PRKN: variants seen among roughly 807,000 people sequenced by gnomAD.
PRKN encodes E3 ubiquitin-protein ligase parkin.
A neutral mutation model predicts 59.5 loss-of-function variants in PRKN; 56 were observed. That is an observed-to-expected ratio of 0.94 (90% CI 0.76 to 1.18). The LOEUF (loss-of-function observed/expected upper bound fraction) is 1.18, where lower values mean the gene tolerates loss of function less well. PRKN is among the 50% of genes most tolerant of loss of function. The probability of loss-of-function intolerance (pLI) is 0.00; values close to 1 mark genes in which losing one functional copy is unlikely to be tolerated. For missense variants in PRKN, 657 were observed against 596.4 expected (o/e 1.10, Z -1.06); for synonymous variants, 250 against 222.1 (o/e 1.13, Z -1.12).
intron 7 of PRKN, among the ~76,000 whole-genome samples, chr6:161,756,447 A>G (rs1451956446): frequency 3.5e-5 from 5 of 143,516 alleles, no homozygotes; most frequent in Non-Finnish European, 3.0e-5. Flanking sequence ...GTCTCGAAAA[A>G]AAAAAAAAAA....
At chr6:162,079,592 C>G (rs1476802133) in intron 4 of PRKN, among the ~76,000 whole-genome samples, 1 of 152,002 alleles carries the variant, frequency 6.6e-6, no homozygotes, top group Non-Finnish European at 1.5e-5. Flanking sequence ...CTCATGGTTC[C>G]CCCTTATTTC....
At chr6:161,886,906 A>C (rs1235003690) in intron 6 of PRKN, among the ~76,000 whole-genome samples, 3 of 152,094 alleles carry the variant, frequency 2.0e-5, no homozygotes, top group Non-Finnish European at 4.4e-5. Context: ...AATGACTGAA[A>C]TCATACAAAG....
At chr6:162,112,674 G>A (rs910311451) in intron 4 of PRKN, among the ~76,000 whole-genome samples, 7 of 152,006 alleles carry the variant, frequency 4.6e-5, no homozygotes, top group African/African-American at 1.7e-4. Flanking sequence ...CCAGCACTTT[G>A]GGAGTCTAAG....
At chr6:161,702,033 T>A (rs1562618564) in intron 7 of PRKN, among the ~76,000 whole-genome samples, 1 of 152,214 alleles carries the variant, frequency 6.6e-6, no homozygotes, top group South Asian at 2.1e-4. Context: ...TTGCAACAGT[T>A]AATTCTGGCT....
chr6:162,193,271 G>A (rs929684115), intron 4 of PRKN, among the ~76,000 whole-genome samples: 11 of 152,252 alleles, frequency 7.2e-5, no homozygotes, highest in African/African-American at 1.9e-4. Flanking sequence ...CTCAACGTAC[G>A]CATTTCTGTG....
chr6:162,584,393 T>C (rs914214040), intron 1 of PRKN, among the ~76,000 whole-genome samples: 2 of 152,088 alleles, frequency 1.3e-5, no homozygotes, highest in Admixed American at 6.5e-5. Context: ...ACAAAGTCAA[T>C]TGCTGAGAGG....
intron 4 of PRKN, among the ~76,000 whole-genome samples, chr6:162,066,032 C>T (rs1020599136): frequency 5.3e-5 from 8 of 152,104 alleles, no homozygotes; most frequent in African/African-American, 1.9e-4. Flanking sequence ...AATAAACATA[C>T]GTGTGCATGT....
intron 4 of PRKN, among the ~76,000 whole-genome samples, chr6:162,179,392 T>C (rs993442727): frequency 6.6e-6 from 1 of 152,152 alleles, no homozygotes; most frequent in African/African-American, 2.4e-5. Context: ...CTGCCGGGGC[T>C]CCACCTGGTT....
chr6:161,360,019 T>C lies in PRKN; in HGVS notation c.1285+69A>G. On this transcript the variant is annotated intron_variant, in intron 11 of 11. Coordinates refer to ENST00000366898, the MANE Select transcript of PRKN (RefSeq NM_004562.3). The surrounding 1 kb of genome is among the most constrained non-coding windows in gnomAD (Gnocchi z 5.1). ...GACAGCATCTCCTTTAATCCTGGAA[T>C]CCCTGATGGGTATGATTCTCCCCCA... is the stretch of plus-strand genomic sequence containing the variant. 3 of 1,161,156 alleles carry C rather than the reference T, an allele frequency of 2.6e-6. No homozygotes were observed. Among genetic ancestry groups the C allele is most frequent in the Non-Finnish European group, 3.9e-6 (3 of 767,058 alleles). 71.9% of individuals were successfully genotyped at this position (1,161,156 alleles called of 1,614,324 possible).
At chr6:162,455,261 C>G (rs971355074) in intron 1 of PRKN, among the ~76,000 whole-genome samples, 2 of 151,974 alleles carry the variant, frequency 1.3e-5, no homozygotes, top group African/African-American at 4.9e-5. Flanking sequence ...ATCCACACAT[C>G]CACATAGCCA....
intron 9 of PRKN, among the ~76,000 whole-genome samples, chr6:161,523,762 G>A (rs959778802): frequency 6.6e-6 from 1 of 152,072 alleles, no homozygotes; most frequent in Non-Finnish European, 1.5e-5. Flanking sequence ...TCTTAAAATG[G>A]TATCCTTTTA....
At chr6:162,114,812 T>G (rs1330782652) in intron 4 of PRKN, among the ~76,000 whole-genome samples, 1 of 151,954 alleles carries the variant, frequency 6.6e-6, no homozygotes, top group African/African-American at 2.4e-5. Flanking sequence ...CTCACACCAG[T>G]TAGAACGGCA....
At position 161,843,571 on chromosome 6, in the gene PRKN, A is replaced by G. The variant is rs535413620; in HGVS notation, c.735-57663T>C. Reference sequence around the variant, plus strand: ...GAGGCCAAGGAGGGGAGATTACTTAAGGTCAGGAGTTTGAGACCAATCTGG... The same window carrying G: ...GAGGCCAAGGAGGGGAGATTACTTAGGGTCAGGAGTTTGAGACCAATCTGG... On this transcript the variant is annotated intron_variant, in intron 6 of 11. Coordinates refer to ENST00000366898, the MANE Select transcript of PRKN (RefSeq NM_004562.3). Among the ~76,000 whole-genome samples, 18 of 152,316 alleles carry G rather than the reference A, an allele frequency of 1.2e-4. No individual in the cohort carries two copies. In the South Asian group the frequency reaches 3.5e-3, roughly 30 times the overall value.
chr6:162,040,450 G>T (rs1784022758), intron 5 of PRKN, among the ~76,000 whole-genome samples: 1 of 150,026 alleles, frequency 6.7e-6, no homozygotes, highest in Non-Finnish European at 1.5e-5. Flanking sequence ...TTGTTGTCCA[G>T]GCTGGAGTGC....
At chr6:161,841,494 C>T (rs921682154) in intron 6 of PRKN, among the ~76,000 whole-genome samples, 3 of 152,012 alleles carry the variant, frequency 2.0e-5, no homozygotes, top group African/African-American at 7.3e-5. Context: ...GGATTACAGG[C>T]GTGTGCCACC....
intron 1 of PRKN, among the ~76,000 whole-genome samples, chr6:162,482,690 A>G (rs763021525): frequency 1.3e-5 from 2 of 152,246 alleles, no homozygotes; most frequent in Non-Finnish European, 2.9e-5. Context: ...TGTAAAATGG[A>G]TAAATGAAAG....
rs530241504 is a variant in PRKN, at chr6:161,945,113, A to T, written c.734+28189T>A. ...AAAGCCTACTGAATATAACTTTTTT[A>T]AAAAAAAGCTGGATGAGACGCTGAA... On this transcript the variant is annotated intron_variant, in intron 6 of 11. Transcript: ENST00000366898. Among the ~76,000 whole-genome samples the T allele has an allele frequency of 7.0e-3, 305 of 43,672 alleles. 3 individuals carry two copies. Among genetic ancestry groups the T allele is most frequent in the African/African-American group, 0.022 (287 of 13,338 alleles). 28.7% of individuals were successfully genotyped at this position (43,672 alleles called of 152,430 possible). A position where few individuals can be genotyped will look rare whatever the true frequency, so the allele number is the denominator to read the frequency against.
In PRKN at chr6:161,473,109, A is replaced by T. The variant is rs1790875092; in HGVS notation, c.1083+75745T>A. Reference sequence around the variant, plus strand: ...AAGGTTCCTTAAAAAATAAAAAAATAGAACTATAGCACCATATGATCCAGC... The same window carrying T: ...AAGGTTCCTTAAAAAATAAAAAAATTGAACTATAGCACCATATGATCCAGC... On this transcript the variant is annotated intron_variant, in intron 9 of 11. Coordinates refer to ENST00000366898, the MANE Select transcript of PRKN (RefSeq NM_004562.3). The surrounding 1 kb of genome is among the most constrained non-coding windows in gnomAD (Gnocchi z 4.1). 6.6e-6 allele frequency among the ~76,000 whole-genome samples: 1 copy of T among 152,160 alleles called. No individual in the cohort carries two copies. Among genetic ancestry groups the T allele is most frequent in the Non-Finnish European group, 1.5e-5 (1 of 68,024 alleles).
chr6:162,024,591 C>A (rs1033526714), intron 5 of PRKN, among the ~76,000 whole-genome samples: 9 of 152,160 alleles, frequency 5.9e-5, no homozygotes, highest in African/African-American at 2.2e-4. Flanking sequence ...CTTTCATCTC[C>A]TTGATTAAAT....
Sources: allele counts gnomAD v4.1 joint callset (sites outside exome capture counted in the v4.1 genomes callset), GRCh38; gene constraint gnomAD v4.1.1; non-coding constraint Gnocchi (gnomAD v3.1); transcripts MANE v1.5; gene names NCBI Gene and HGNC (gene_info 2026-07-23, HGNC 2026-07-21).